Variants in SPAG16 observed in about 807,000 individuals in gnomAD.
SPAG16 encodes the protein sperm associated antigen 16.
SPAG16 carries 86 observed loss-of-function variants against 80.4 expected under a neutral mutation model. The observed-to-expected ratio is 1.07, with a 90% confidence interval of 0.90 to 1.28. The LOEUF is 1.28. Ranked by LOEUF, SPAG16 falls within the 50% of genes most tolerant of loss-of-function variation. The probability of loss-of-function intolerance (pLI) is 0.00; values close to 1 mark genes in which losing one functional copy is unlikely to be tolerated. For missense variants in SPAG16, 870 were observed against 765.3 expected, an observed-to-expected ratio of 1.14 and a Z score of -1.61; for synonymous variants, 294 against 265.9, an observed-to-expected ratio of 1.11 and a Z score of -1.03.
At chr2:214,279,575 C>T (rs1031258108) in intron 15 of SPAG16, among the ~76,000 whole-genome samples, 1 of 152,072 alleles carries the variant, frequency 6.6e-6, no homozygotes, top group African/African-American at 2.4e-5. Flanking sequence ...TTGGAATTCA[C>T]AGAATAGAGC....
intron 13 of SPAG16, among the ~76,000 whole-genome samples, chr2:214,056,520 C>A (rs1222120925): frequency 2.0e-5 from 2 of 98,430 alleles, no homozygotes; most frequent in African/African-American, 8.2e-5. Flanking sequence ...TTTAAAAATA[C>A]TTATTGGTAA....
At chr2:213,829,383 G>A (rs763211344) in intron 10 of SPAG16, among the ~76,000 whole-genome samples, 5 of 152,116 alleles carry the variant, frequency 3.3e-5, no homozygotes, top group East Asian at 1.9e-4. Flanking sequence ...CCTAGGACTC[G>A]CTCTTCAGGG....
intron 6 of SPAG16, among the ~76,000 whole-genome samples, chr2:213,342,363 AC>A (rs2064744281): frequency 1.4e-5 from 2 of 147,310 alleles, no homozygotes; most frequent in Non-Finnish European, 3.0e-5. Flanking sequence ...TATATATATT[AC>A]ATATATATGT....
intron 15 of SPAG16, among the ~76,000 whole-genome samples, chr2:214,372,595 G>C (rs897698690): frequency 2.0e-5 from 3 of 152,150 alleles, no homozygotes; most frequent in Non-Finnish European, 4.4e-5. Context: ...AGCACATAAG[G>C]CCTTTCTCTG....
chr2:213,555,693 G>C (rs1415575279), intron 10 of SPAG16, among the ~76,000 whole-genome samples: 1 of 152,096 alleles, frequency 6.6e-6, no homozygotes, highest in African/African-American at 2.4e-5. Context: ...ATCATCACCA[G>C]ACTTTTCCAA....
At chr2:213,377,698 C>A (rs1038267146) in intron 9 of SPAG16, among the ~76,000 whole-genome samples, 3 of 151,802 alleles carry the variant, frequency 2.0e-5, no homozygotes, top group African/African-American at 7.3e-5. Context: ...CCCTAGTTTG[C>A]TAACTGGCAA....
chr2:214,102,238 TG>T lies in SPAG16; in HGVS notation c.1528-5956del, dbSNP rs548456624. On this transcript the variant is annotated intron_variant, in intron 13 of 15. Coordinates refer to ENST00000331683, the MANE Select transcript of SPAG16 (RefSeq NM_024532.5). ...CCTTGGGGATGAGAAGACGGAGGAGTGGATGAGTTTGTCTTGTGGAGCGTAA... is the reference window on the plus strand; with the variant it reads ...CCTTGGGGATGAGAAGACGGAGGAGTGATGAGTTTGTCTTGTGGAGCGTAA... Among the ~76,000 whole-genome samples, 462 of 150,122 alleles carry T rather than the reference TG, an allele frequency of 3.1e-3. 3 individuals are homozygous for T. The highest frequency in any genetic ancestry group is 5.1e-3 in the Non-Finnish European group (346 of 67,684).
At chr2:213,643,033 T>C (rs1167885809) in intron 10 of SPAG16, among the ~76,000 whole-genome samples, 2 of 131,470 alleles carry the variant, frequency 1.5e-5, no homozygotes, top group African/African-American at 3.2e-5. Context: ...AAACTCCCCT[T>C]TATATGTATG....
intron 11 of SPAG16, among the ~76,000 whole-genome samples, chr2:213,871,684 C>G (rs2075951757): frequency 1.3e-5 from 2 of 152,052 alleles, no homozygotes; most frequent in Non-Finnish European, 2.9e-5. Context: ...AACATGCACA[C>G]AGAGACACTT....
chr2:213,523,230 C>T (rs967089925), intron 10 of SPAG16, among the ~76,000 whole-genome samples: 6 of 152,096 alleles, frequency 3.9e-5, no homozygotes, highest in Non-Finnish European at 7.4e-5. Context: ...AAGGGCTTTT[C>T]CCCCTTTTGC....
chr2:214,095,313 C>A (rs78891625), intron 13 of SPAG16, among the ~76,000 whole-genome samples: 23,253 of 151,952 alleles, frequency 0.15, 1,814 homozygotes, highest in East Asian at 0.17. Context: ...AGAAACCCCC[C>A]CAGAAACCTT....
chr2:213,827,615 G>C (rs2073380869), intron 10 of SPAG16, among the ~76,000 whole-genome samples: 1 of 152,026 alleles, frequency 6.6e-6, no homozygotes, highest in African/African-American at 2.4e-5. Context: ...TATTACCAGT[G>C]ACCTTTGTAT....
At chr2:213,718,505 G>A (rs1312158515) in intron 10 of SPAG16, among the ~76,000 whole-genome samples, 1 of 152,184 alleles carries the variant, frequency 6.6e-6, no homozygotes, top group Non-Finnish European at 1.5e-5. Context: ...AGGCACCAGC[G>A]GGAACCGGGG....
chr2:213,618,601 C>A (rs757582878), intron 10 of SPAG16, among the ~76,000 whole-genome samples: 12 of 152,168 alleles, frequency 7.9e-5, no homozygotes, highest in Non-Finnish European at 4.4e-5. Context: ...CCCTTCCTTT[C>A]CATTCTATCT....
At position 214,031,971 on chromosome 2, in the gene SPAG16, C is replaced by G. The variant is rs563506476; in HGVS notation, c.1527+17894C>G. 4.6e-5 allele frequency among the ~76,000 whole-genome samples: 7 copies of G among 152,302 alleles called. No homozygotes were observed. In the South Asian group the frequency reaches 1.4e-3, roughly 32 times the overall value. On this transcript the variant is annotated intron_variant, in intron 13 of 15. Coordinates refer to ENST00000331683, the MANE Select transcript of SPAG16 (RefSeq NM_024532.5). ...TCCAACACTGAGAATTACAATTCAA[C>G]ATGAGAACTGGGTGAGGACACAGAG...
chr2:213,578,524 C>T (rs1012459170), intron 10 of SPAG16, among the ~76,000 whole-genome samples: 2 of 152,018 alleles, frequency 1.3e-5, no homozygotes, highest in South Asian at 2.1e-4. Context: ...GTAAGCATCT[C>T]GTGAACAATA....
chr2:214,350,989 C>T (rs961524538), intron 15 of SPAG16, among the ~76,000 whole-genome samples: 4 of 152,090 alleles, frequency 2.6e-5, no homozygotes, highest in Admixed American at 6.5e-5. Flanking sequence ...AGATATTCCA[C>T]CTGACTTCAA....
chr2:213,757,055 T>C (rs1820566), intron 10 of SPAG16, among the ~76,000 whole-genome samples: 135,472 of 152,192 alleles, frequency 0.89, 62,455 homozygotes, highest in East Asian at 1. Context: ...ACAAAATCAA[T>C]ATGCAAATAT....
chr2:214,300,588 G>C (rs964522343), intron 15 of SPAG16, among the ~76,000 whole-genome samples: 4 of 152,044 alleles, frequency 2.6e-5, no homozygotes, highest in Non-Finnish European at 5.9e-5. Flanking sequence ...AAAAGTCTTA[G>C]ATTAGTCACA....
Sources: allele counts gnomAD v4.1 joint callset (sites outside exome capture counted in the v4.1 genomes callset), GRCh38; gene constraint gnomAD v4.1.1; transcripts MANE v1.5; gene names NCBI Gene and HGNC (gene_info 2026-07-23, HGNC 2026-07-21).